Variants in ADGRV1 observed in about 807,000 individuals in gnomAD.
The protein encoded by ADGRV1 is adhesion G protein-coupled receptor V1, also known as G-protein coupled receptor 98.
In ADGRV1, 359 loss-of-function variants were observed where a neutral mutation model predicts 596.2. That is an observed-to-expected ratio of 0.60 (90% CI 0.55 to 0.66). The LOEUF (loss-of-function observed/expected upper bound fraction) is 0.66. ADGRV1 is among the 30% of genes least tolerant of loss of function. The pLI is 0.00. For missense variants in ADGRV1, 7,274 were observed against 7,575.6 expected (o/e 0.96, Z 1.48); for synonymous variants, 2,681 against 2,679.2 (o/e 1.00, Z -0.02).
chr5:90,807,658 C>T lies in ADGRV1; in HGVS notation c.14893C>T (p.Pro4965Ser), dbSNP rs745679931. 6 of 1,613,160 alleles carry T rather than the reference C, an allele frequency of 3.7e-6. No homozygotes were observed. The South Asian group carries it at 6.6e-5, about 18-fold the overall frequency. ...QRKGVFLWTF[P>S]SPGWPEAFVL... Reference sequence around the variant, plus strand: ...GAAAGGAGTTTTCCTGTGGACGTTTCCTAGCCCTGGTTGGCCAGAGGCCTT... The same window carrying T: ...GAAAGGAGTTTTCCTGTGGACGTTTTCTAGCCCTGGTTGGCCAGAGGCCTT... Residue 4965 changes from proline to serine, a missense_variant, in exon 73 of 90, where the codon CCT (proline) becomes TCT (serine). Physicochemically the swap from Pro to Ser is moderately conservative, Grantham distance 74 (BLOSUM62 -1). This residue lies in a region of ADGRV1 where 1,874 missense variants were observed against 1,970.2 expected (regional missense o/e 0.95). Transcript: ENST00000405460.
At chr5:91,146,966 A>G (rs1795586064) in intron 87 of ADGRV1, among the ~76,000 whole-genome samples, 1 of 152,184 alleles carries the variant, frequency 6.6e-6, no homozygotes, top group African/African-American at 2.4e-5. Context: ...ATTCAAGACC[A>G]GCCTGGGCAA....
At chr5:90,934,980 A>G (rs1775556003) in intron 83 of ADGRV1, among the ~76,000 whole-genome samples, 1 of 151,906 alleles carries the variant, frequency 6.6e-6, no homozygotes. Context: ...ATCTAAACCT[A>G]ATTACCTCCT....
chr5:90,783,364 T>G, intron 66 of ADGRV1, 39 bp downstream of exon 66: 1 of 1,330,120 alleles, frequency 7.5e-7, no homozygotes. Flanking sequence ...ATATAAGACA[T>G]AAGTATTGTG....
In ADGRV1 at chr5:91,016,234, A is replaced by G. The variant is rs140394393; in HGVS notation, c.18152+30712A>G. 4.6e-5 allele frequency among the ~76,000 whole-genome samples: 7 copies of G among 152,072 alleles called. 1 individual carries two copies. Among genetic ancestry groups the G allele is most frequent in the African/African-American group, 1.4e-4 (6 of 41,522 alleles). On this transcript the variant is annotated intron_variant, in intron 85 of 89. Coordinates refer to ENST00000405460, the MANE Select transcript of ADGRV1 (RefSeq NM_032119.4). Reference sequence around the variant, plus strand: ...TGCCATGCCTTAACAATGACAAACAATATCTTGTGTTTTTTAAGGATTTAT... The same window carrying G: ...TGCCATGCCTTAACAATGACAAACAGTATCTTGTGTTTTTTAAGGATTTAT...
chr5:90,799,224 CAA>C (rs1761084543), intron 70 of ADGRV1, among the ~76,000 whole-genome samples: 2 of 152,196 alleles, frequency 1.3e-5, no homozygotes, highest in South Asian at 4.1e-4. Flanking sequence ...GCAACTTCAG[CAA>C]AGTCTCAGGA....
chr5:91,120,228 G>C (rs1013915771), intron 87 of ADGRV1, among the ~76,000 whole-genome samples: 1 of 152,184 alleles, frequency 6.6e-6, no homozygotes, highest in African/African-American at 2.4e-5. Flanking sequence ...ACAGCTATGT[G>C]GCTTCGGTTA....
At chr5:90,612,095 AC>A (rs1762794444) in intron 1 of ADGRV1, among the ~76,000 whole-genome samples, 1 of 152,096 alleles carries the variant, frequency 6.6e-6, no homozygotes, top group African/African-American at 2.4e-5. Context: ...ATCAAAACTC[AC>A]TGATGGGGAC....
intron 64 of ADGRV1, 171 bp downstream of exon 64, chr5:90,779,268 G>GTTT: frequency 8.2e-6 from 3 of 364,140 alleles, no homozygotes; most frequent in Non-Finnish European, 1.5e-5. Context: ...CAATGACTGA[G>GTTT]TTTTTTTTTT....
Position 90,586,178 on chromosome 5 carries a change from G to A in ADGRV1, c.22+27261G>A, listed in dbSNP as rs529838943. Reference sequence around the variant, plus strand: ...GTAAAATGAGCCCCTTTTTACCTCCGACTTAGAATTAGCAATTATCAAGAT... The same window carrying A: ...GTAAAATGAGCCCCTTTTTACCTCCAACTTAGAATTAGCAATTATCAAGAT... On this transcript the variant is annotated intron_variant, in intron 1 of 89. Coordinates refer to ENST00000405460, the MANE Select transcript of ADGRV1 (RefSeq NM_032119.4). Among the ~76,000 whole-genome samples, 8 of 152,170 alleles carry A rather than the reference G, an allele frequency of 5.3e-5. No individual in the cohort carries two copies. The East Asian group carries it at 5.8e-4, about 11-fold the overall frequency.
In ADGRV1 at chr5:90,932,843, A is replaced by T. The variant is rs6890981; in HGVS notation, c.17857-32572A>T. Among the ~76,000 whole-genome samples, 1,454 of 152,246 alleles carry T rather than the reference A, an allele frequency of 9.6e-3. 20 individuals are homozygous for T. The highest frequency in any genetic ancestry group is 0.032 in the African/African-American group (1,334 of 41,530). ...ACACATAGTATACACACATACATAT[A>T]TGTATACATGTAAAAACACACAGCA... On this transcript the variant is annotated intron_variant, in intron 83 of 89. Coordinates refer to ENST00000405460, the MANE Select transcript of ADGRV1 (RefSeq NM_032119.4).
chr5:90,787,838 G>A (rs1005311319), intron 67 of ADGRV1, among the ~76,000 whole-genome samples: 4 of 151,536 alleles, frequency 2.6e-5, no homozygotes, highest in South Asian at 2.1e-4. Flanking sequence ...TGATCTGCCC[G>A]CCTCGGCCTC....
chr5:90,578,989 C>T (rs1461463813), intron 1 of ADGRV1, among the ~76,000 whole-genome samples: 1 of 149,280 alleles, frequency 6.7e-6, no homozygotes, highest in Non-Finnish European at 1.5e-5. Flanking sequence ...TTTGATTCTT[C>T]TCTCTTTTCT....
In ADGRV1 at chr5:90,970,190, A is replaced by G. The variant is rs370985131; in HGVS notation, c.17973+4659A>G. 2.6e-4 allele frequency among the ~76,000 whole-genome samples: 40 copies of G among 152,304 alleles called. 1 individual carries two copies. In the East Asian group the frequency reaches 5.8e-3, roughly 22 times the overall value. On this transcript the variant is annotated intron_variant, in intron 84 of 89. Coordinates refer to ENST00000405460, the MANE Select transcript of ADGRV1 (RefSeq NM_032119.4). ...CGAGGCTGGGGGAGGGGTGCCCACC[A>G]TGGCTGAGGTTTGAGTAGGTAAACA...
At chr5:91,026,468 A>G (rs1428835447) in intron 85 of ADGRV1, among the ~76,000 whole-genome samples, 1 of 152,194 alleles carries the variant, frequency 6.6e-6, no homozygotes, top group Non-Finnish European at 1.5e-5. Context: ...CACAGTCCTG[A>G]AAAGTGAACA....
chr5:90,580,078 G>GT (rs1350987654), intron 1 of ADGRV1, among the ~76,000 whole-genome samples: 1 of 152,046 alleles, frequency 6.6e-6, no homozygotes, highest in African/African-American at 2.4e-5. Flanking sequence ...TTGCTAGTCT[G>GT]TATCTTTTAA....
At chr5:90,590,903 C>T (rs953849463) in intron 1 of ADGRV1, among the ~76,000 whole-genome samples, 12 of 151,840 alleles carry the variant, frequency 7.9e-5, no homozygotes, top group African/African-American at 2.9e-4. Context: ...TGTATTTATC[C>T]TACTTGTTAC....
rs1465709028 is a variant in ADGRV1, at chr5:90,976,318, G to GTATA, written c.17974-9025_17974-9024insATAT. On this transcript the variant is annotated intron_variant, in intron 84 of 89. Transcript: ENST00000405460. ...TGTATATGTGTGTGTGTGTGTGTGT[G>GTATA]TGTGTATATATATATATATATATAT... Among the ~76,000 whole-genome samples the GTATA allele has an allele frequency of 8.2e-3, 992 of 120,554 alleles. 7 individuals carry two copies. The highest frequency in any genetic ancestry group is 9.9e-3 in the African/African-American group (288 of 29,186). 79.1% of individuals were successfully genotyped at this position (120,554 alleles called of 152,430 possible).
rs190887621 is a variant in ADGRV1 at position 90,753,299 on chromosome 5, T to C, written c.11122-275T>C. On this transcript the variant is annotated intron_variant, in intron 53 of 89. Transcript: ENST00000405460. ...AGATTCCCAGAGAGACTGTATACTT[T>C]ATCTTAGAATGGAATTCAGTCTCCA... Among the ~76,000 whole-genome samples the C allele has an allele frequency of 1.1e-4, 16 of 152,280 alleles. No individual in the cohort carries two copies. In the East Asian group the frequency reaches 3.1e-3, roughly 29 times the overall value.
At chr5:90,791,576 T>C (rs1208185309) in intron 70 of ADGRV1, 5 of 504,254 alleles carry the variant, frequency 9.9e-6, no homozygotes, top group African/African-American at 9.6e-5. Flanking sequence ...AACAGACACT[T>C]ATTTAATACT....
Sources: gnomAD v4.1 joint callset for allele counts (sites outside exome capture counted in the v4.1 genomes callset) on GRCh38, gnomAD v4.1.1 for gene constraint, gnomAD v4.1.1 regional missense constraint, MANE v1.5 for transcripts, NCBI Gene and HGNC (gene_info 2026-07-23, HGNC 2026-07-21) for gene names.